Variants in HSD17B12 observed in about 807,000 individuals in gnomAD.
HSD17B12 encodes very-long-chain 3-oxoacyl-CoA reductase.
HSD17B12 carries 32 observed loss-of-function variants against 39.3 expected under a neutral mutation model. The ratio of observed to expected loss-of-function variants is 0.81; its 90% CI spans 0.61 to 1.09. HSD17B12 has a LOEUF of 1.09. Among genes scored for constraint, HSD17B12 ranks in the 50% least tolerant of loss-of-function variants. The pLI, the probability that HSD17B12 is intolerant of heterozygous loss-of-function variation, is 0.00. For synonymous variants in HSD17B12, 150 were observed against 146.7 expected (o/e 1.02, Z -0.16); for missense variants, 342 against 382.9 (o/e 0.89, Z 0.89).
At chr11:43,687,305 C>T (rs936045960) in intron 1 of HSD17B12, among the ~76,000 whole-genome samples, 2 of 152,194 alleles carry the variant, frequency 1.3e-5, no homozygotes, top group African/African-American at 4.8e-5. Context: ...TATGACATAA[C>T]ACTATTCATT....
chr11:43,732,358 A>G (rs1950275433), intron 1 of HSD17B12, among the ~76,000 whole-genome samples: 2 of 152,072 alleles, frequency 1.3e-5, no homozygotes, highest in Admixed American at 1.3e-4. Flanking sequence ...TGGACTATAC[A>G]CACTCCATGG....
the HSD17B12 span, among the ~76,000 whole-genome samples, chr11:43,658,527 T>C: frequency 6.6e-6 from 1 of 152,236 alleles, no homozygotes; most frequent in Non-Finnish European, 1.5e-5. Context: ...TGTGGTTTTA[T>C]CTACCTGTGG....
chr11:43,558,375 G>A, the HSD17B12 span, among the ~76,000 whole-genome samples: 3 of 151,942 alleles, frequency 2.0e-5, no homozygotes, highest in Admixed American at 1.3e-4. Context: ...TCCAGCGCCT[G>A]GTGTTGGCCA....
chr11:43,791,071 G>T (rs1255636218), intron 3 of HSD17B12, among the ~76,000 whole-genome samples: 1 of 152,148 alleles, frequency 6.6e-6, no homozygotes, highest in Non-Finnish European at 1.5e-5. Flanking sequence ...GCTAAGAAAT[G>T]GTATTCTTGA....
chr11:43,732,671 C>T (rs1950280105), intron 1 of HSD17B12, among the ~76,000 whole-genome samples: 1 of 152,118 alleles, frequency 6.6e-6, no homozygotes, highest in Admixed American at 6.5e-5. Flanking sequence ...TGCTGTTGCC[C>T]AGGCTGGTCT....
the HSD17B12 span, among the ~76,000 whole-genome samples, chr11:43,629,555 A>G: frequency 6.6e-6 from 1 of 152,188 alleles, no homozygotes; most frequent in African/African-American, 2.4e-5. Flanking sequence ...TAAAAATCCC[A>G]CTATGGTCCC....
the HSD17B12 span, among the ~76,000 whole-genome samples, chr11:43,604,388 TG>T: frequency 2.6e-5 from 4 of 152,214 alleles, no homozygotes; most frequent in Non-Finnish European, 4.4e-5. Context: ...TGGGTTTATA[TG>T]ATGAAAGTTT....
chr11:43,820,349 C>T (rs1001587642), intron 6 of HSD17B12, among the ~76,000 whole-genome samples: 4 of 152,188 alleles, frequency 2.6e-5, no homozygotes, highest in African/African-American at 9.7e-5. Flanking sequence ...GAAAGGCATT[C>T]ACCTTGACGA....
intron 3 of HSD17B12, among the ~76,000 whole-genome samples, chr11:43,786,583 G>C (rs1415876586): frequency 6.6e-6 from 1 of 152,120 alleles, no homozygotes; most frequent in African/African-American, 2.4e-5. Flanking sequence ...AAGTATTTTT[G>C]GGTGCTGGGC....
upstream of HSD17B12, among the ~76,000 whole-genome samples, chr11:43,678,468 T>A (rs1343517599): frequency 6.6e-6 from 1 of 152,250 alleles, no homozygotes; most frequent in African/African-American, 2.4e-5. Flanking sequence ...TTGGCTTTTG[T>A]TGCCATTGCT....
At chr11:43,559,563 G>A in the HSD17B12 span, 2 of 155,640 alleles carry the variant, frequency 1.3e-5, no homozygotes, top group South Asian at 2.0e-4. Context: ...ACCCACGAGA[G>A]CCCACGTCAG....
the HSD17B12 span, chr11:43,645,509 G>A: frequency 1.3e-5 from 2 of 152,024 alleles, no homozygotes; most frequent in Admixed American, 1.3e-4. Context: ...TAGTTTTAGG[G>A]GCCACCACGT....
chr11:43,716,172 C>T (rs1295225434), intron 1 of HSD17B12, among the ~76,000 whole-genome samples: 1 of 152,190 alleles, frequency 6.6e-6, no homozygotes, highest in South Asian at 2.1e-4. Context: ...GGATGTGTCT[C>T]AAACCCTGAA....
At chr11:43,755,170 C>A (rs1950498046) in intron 3 of HSD17B12, 1 of 274,714 alleles carries the variant, frequency 3.6e-6, no homozygotes, top group Non-Finnish European at 6.7e-6. Context: ...AGTGTAAAAG[C>A]TAGAGTTAGT....
chr11:43,592,896 C>T, the HSD17B12 span, among the ~76,000 whole-genome samples: 1 of 152,044 alleles, frequency 6.6e-6, no homozygotes, highest in African/African-American at 2.4e-5. Context: ...GATACATTTA[C>T]TGAGAAGAGA....
At chr11:43,774,924 A>G (rs1159331784) in intron 3 of HSD17B12, among the ~76,000 whole-genome samples, 4 of 152,160 alleles carry the variant, frequency 2.6e-5, no homozygotes, top group Non-Finnish European at 5.9e-5. Flanking sequence ...ATGGGAGTTT[A>G]TAGATATTAT....
At chr11:43,631,871 G>A in the HSD17B12 span, among the ~76,000 whole-genome samples, 1 of 151,966 alleles carries the variant, frequency 6.6e-6, no homozygotes, top group Non-Finnish European at 1.5e-5. Flanking sequence ...CTTCGGCTAC[G>A]GACCAGGTAC....
chr11:43,786,001 A>G (rs538880879), intron 3 of HSD17B12, among the ~76,000 whole-genome samples: 15 of 152,346 alleles, frequency 9.8e-5, no homozygotes, highest in African/African-American at 3.4e-4. Flanking sequence ...AGTTTTCCAA[A>G]ACCCTTATTT....
chr11:43,646,765 G>T, the HSD17B12 span, among the ~76,000 whole-genome samples: 1 of 152,068 alleles, frequency 6.6e-6, no homozygotes, highest in Non-Finnish European at 1.5e-5. Flanking sequence ...CAAGAATTTT[G>T]GTATTTAATC....
Sources: allele counts gnomAD v4.1 joint callset (sites outside exome capture counted in the v4.1 genomes callset), GRCh38; gene constraint gnomAD v4.1.1; transcripts MANE v1.5; gene names NCBI Gene and HGNC (gene_info 2026-07-23, HGNC 2026-07-21).